TTC39B: variants seen among roughly 807,000 people sequenced by gnomAD.
TTC39B encodes tetratricopeptide repeat domain 39B, also known as tetratricopeptide repeat protein 39B.
Under a neutral mutation model 96.6 loss-of-function variants are expected in TTC39B, and 92 were observed. The ratio of observed to expected loss-of-function variants is 0.95; its 90% CI spans 0.80 to 1.13. The LOEUF is 1.13. Among genes scored for constraint, TTC39B ranks in the 50% most tolerant of loss-of-function variants. The pLI, the probability that TTC39B is intolerant of heterozygous loss-of-function variation, is 0.00. For synonymous variants in TTC39B, 367 were observed against 299.4 expected (o/e 1.23, Z -2.33); for missense variants, 955 against 809.3 (o/e 1.18, Z -2.18).
At chr9:15,248,005 C>G (rs1172332475) in intron 2 of TTC39B, among the ~76,000 whole-genome samples, 1 of 152,182 alleles carries the variant, frequency 6.6e-6, no homozygotes, top group African/African-American at 2.4e-5. Context: ...TCTTTGTGCA[C>G]CTCGTTTTCC....
intron 1 of TTC39B, among the ~76,000 whole-genome samples, chr9:15,270,681 G>A (rs1823315013): frequency 6.6e-6 from 1 of 151,698 alleles, no homozygotes; most frequent in Admixed American, 6.6e-5. Context: ...TCGAGAGGCT[G>A]AGGTAGAAGG....
chr9:15,184,368 T>C (rs887922590), intron 16 of TTC39B, among the ~76,000 whole-genome samples: 3 of 148,726 alleles, frequency 2.0e-5, no homozygotes, highest in Non-Finnish European at 4.5e-5. Context: ...TTGTAAAAAC[T>C]GGAAAAATCT....
chr9:15,170,663 G>A (rs185072389), exon 20 of TTC39B: 1 of 152,038 alleles, frequency 6.6e-6, no homozygotes. Context: ...CCAATATGTG[G>A]CTCCTTCTGT....
exon 5 of TTC39B, chr9:15,211,324 G>C (rs1287234992): frequency 6.3e-7 from 1 of 1,594,982 alleles, no homozygotes; most frequent in East Asian, 2.3e-5. Flanking sequence ...ATGTCCTGTT[G>C]CTCGAAGGTC....
chr9:15,255,223 G>T (rs1011542504), intron 2 of TTC39B, among the ~76,000 whole-genome samples: 3 of 151,984 alleles, frequency 2.0e-5, no homozygotes, highest in African/African-American at 7.2e-5. Context: ...CAATTTCAGG[G>T]TTCTTCCAAT....
intron 2 of TTC39B, among the ~76,000 whole-genome samples, chr9:15,253,689 G>A (rs1822647651): frequency 2.0e-5 from 3 of 151,866 alleles, no homozygotes; most frequent in Admixed American, 2.0e-4. Context: ...CTCTTTCTGG[G>A]TCTGTTTGCA....
chr9:15,293,052 C>T (rs1362333286), intron 1 of TTC39B, among the ~76,000 whole-genome samples: 3 of 152,236 alleles, frequency 2.0e-5, no homozygotes, highest in Non-Finnish European at 4.4e-5. Flanking sequence ...GTCCTGCAAG[C>T]TCCATTCATG....
intron 2 of TTC39B, among the ~76,000 whole-genome samples, chr9:15,227,032 T>G (rs943938729): frequency 6.6e-6 from 1 of 152,058 alleles, no homozygotes; most frequent in Non-Finnish European, 1.5e-5. Context: ...GTACAATGGG[T>G]GCAGTGGCTC....
rs924787623 is a variant in TTC39B at position 15,190,241 on chromosome 9, CA to C, written c.1105+312del. The stretch of plus-strand genomic sequence containing the variant: ...AAGGACACTATTTTCTACCTTTATT[CA>C]AAAAAAAAAGTAAACAGATATGAAC... On this transcript the variant is annotated intron_variant, in intron 11 of 19. Coordinates refer to ENST00000512701, the Ensembl canonical transcript of TTC39B. Among the ~76,000 whole-genome samples the C allele has an allele frequency of 2.7e-3, 396 of 147,502 alleles. 3 individuals carry two copies. The highest frequency in any genetic ancestry group is 9.0e-3 in the African/African-American group (363 of 40,410).
chr9:15,269,625 G>C (rs923958614), intron 1 of TTC39B, among the ~76,000 whole-genome samples: 1 of 151,696 alleles, frequency 6.6e-6, no homozygotes, highest in Non-Finnish European at 1.5e-5. Flanking sequence ...AGGCCGAGGC[G>C]GGTGGATCAC....
intron 13 of TTC39B, among the ~76,000 whole-genome samples, chr9:15,189,073 T>C (rs1297010647): frequency 6.6e-6 from 1 of 152,086 alleles, no homozygotes; most frequent in Non-Finnish European, 1.5e-5. Flanking sequence ...GAAAAATACA[T>C]TTTGATCCCA....
intron 3 of TTC39B, 82 bp from the exon 4 acceptor site, chr9:15,214,331 T>TGTGG: frequency 1.2e-6 from 1 of 842,386 alleles, no homozygotes; most frequent in Non-Finnish European, 1.9e-6. Context: ...TGTGTGTGTG[T>TGTGG]GTGTGTGTGT....
chr9:15,173,177 C>G (rs185338742), intron 19 of TTC39B, among the ~76,000 whole-genome samples: 129 of 152,234 alleles, frequency 8.5e-4, no homozygotes, highest in African/African-American at 2.8e-3. Context: ...ATATTTGGAA[C>G]AGCAGCATTT....
intron 1 of TTC39B, among the ~76,000 whole-genome samples, chr9:15,276,929 G>A (rs913294144): frequency 2.6e-5 from 4 of 152,202 alleles, no homozygotes; most frequent in Non-Finnish European, 5.9e-5. Context: ...CTCAGGAGAT[G>A]GGGCTGGGAT....
chr9:15,240,275 G>T (rs1013385080), intron 2 of TTC39B, among the ~76,000 whole-genome samples: 1 of 151,840 alleles, frequency 6.6e-6, no homozygotes, highest in Non-Finnish European at 1.5e-5. Flanking sequence ...CTCTGGCCCT[G>T]TTCCTCACGA....
chr9:15,304,770 G>C (rs1824705389), intron 1 of TTC39B, among the ~76,000 whole-genome samples: 1 of 151,830 alleles, frequency 6.6e-6, no homozygotes, highest in South Asian at 2.1e-4. Context: ...AGCCCTCTGA[G>C]GTTGACAGAC....
chr9:15,214,155 C>G, exon 4 of TTC39B: 1 of 1,613,730 alleles, frequency 6.2e-7, no homozygotes, highest in Non-Finnish European at 8.5e-7. Flanking sequence ...CGAAGCAATT[C>G]TAAGGCGTCT....
chr9:15,216,664 G>T (rs899154934), intron 3 of TTC39B, among the ~76,000 whole-genome samples: 2 of 152,106 alleles, frequency 1.3e-5, no homozygotes, highest in African/African-American at 4.8e-5. Flanking sequence ...GTTGCCTGGG[G>T]TCTATAGACC....
intron 2 of TTC39B, chr9:15,232,509 T>A (rs1048144532): frequency 6.6e-6 from 1 of 152,230 alleles, no homozygotes; most frequent in Non-Finnish European, 1.5e-5. Context: ...ACTAGCTGTC[T>A]AGCAACAGAC....
Sources: gnomAD v4.1 joint callset for allele counts (sites outside exome capture counted in the v4.1 genomes callset) on GRCh38, gnomAD v4.1.1 for gene constraint, MANE v1.5 for transcripts, NCBI Gene and HGNC (gene_info 2026-07-23, HGNC 2026-07-21) for gene names.